CDC5L: variants seen among roughly 807,000 people sequenced by gnomAD.
The protein encoded by CDC5L is cell division cycle 5-like protein.
CDC5L carries 18 observed loss-of-function variants against 104.1 expected under a neutral mutation model. The ratio of observed to expected loss-of-function variants is 0.17; its 90% confidence interval spans 0.12 to 0.26. CDC5L has a LOEUF of 0.26. Ranked by LOEUF, CDC5L falls within the 10% of genes least tolerant of loss-of-function variation. The pLI is 1.00. For missense variants in CDC5L, 673 were observed against 956.9 expected (o/e 0.70, Z 3.91); for synonymous variants, 331 against 322.7 (o/e 1.03, Z -0.28).
intron 14 of CDC5L, among the ~76,000 whole-genome samples, chr6:44,441,281 A>ATGTCCTCTGTG (rs1793175272): frequency 6.6e-6 from 1 of 152,230 alleles, no homozygotes; most frequent in South Asian, 2.1e-4. Context: ...AGTTAGCAGA[A>ATGTCCTCTGTG]TGTCCTCTGT....
At chr6:44,421,068 C>T (rs1185981420) in intron 9 of CDC5L, among the ~76,000 whole-genome samples, 1 of 152,182 alleles carries the variant, frequency 6.6e-6, no homozygotes, top group Non-Finnish European at 1.5e-5. Flanking sequence ...CGGTCTCTCA[C>T]CCATTTAAGT....
rs778663659 is a variant in CDC5L at position 44,426,155 on chromosome 6, T to C, written c.1622T>C (p.Val541Ala). 6.2e-7 allele frequency: 1 copy of C among 1,609,204 alleles called. No homozygotes were observed. Among genetic ancestry groups the C allele is most frequent in the Non-Finnish European group, 8.5e-7 (1 of 1,177,336 alleles). ...VKEMKRMHKA[V>A]QKDLPRPSEV... ...GAAATGAAACGAATGCATAAAGCTG[T>C]CCAGAAAGATCTGCCAAGACCATCA... The change falls in exon 12 of 16, where the codon GTC becomes GCC. Residue 541 changes from valine (V) to alanine (A), a missense_variant. By Grantham distance (64) the Val-to-Ala change is moderately conservative (BLOSUM62 0). This residue lies in a region of CDC5L where 578 missense variants were observed against 737.0 expected (regional missense o/e 0.78). Transcript: ENST00000371477.
chr6:44,430,806 C>T (rs1418185452), intron 14 of CDC5L, among the ~76,000 whole-genome samples: 4 of 152,040 alleles, frequency 2.6e-5, no homozygotes, highest in Admixed American at 6.6e-5. Context: ...CTCTTGACCT[C>T]GTGATCCACC....
intron 1 of CDC5L, among the ~76,000 whole-genome samples, chr6:44,390,035 G>A (rs1790518228): frequency 6.6e-6 from 1 of 152,162 alleles, no homozygotes. Context: ...ATTGGAGAGT[G>A]TGGTGTAAGG....
In CDC5L at chr6:44,406,462, C is replaced by A; in HGVS notation, c.898C>A (p.Pro300Thr). ...GAGAAGCAAACTAGTACTTCCTGCC[C>A]CTCAGGTAATCTGATAAAAGCAAAT... is the stretch of plus-strand genomic sequence containing the variant. The part of the protein sequence containing the change: ...KKRSKLVLPA[P>T]QISDAELQEV... Residue 300 changes from proline (P) to threonine (T), a missense_variant, in exon 7 of 16, where the codon CCT becomes ACT. Physicochemically the swap from Pro to Thr is conservative, Grantham distance 38 (BLOSUM62 -1). This residue lies in a region of CDC5L where 578 missense variants were observed against 737.0 expected (regional missense o/e 0.78). Coordinates refer to ENST00000371477, the MANE Select transcript of CDC5L (RefSeq NM_001253.4). The A allele has an allele frequency of 6.2e-7, 1 of 1,604,334 alleles. No individual in the cohort carries two copies. Among genetic ancestry groups the A allele is most frequent in the Non-Finnish European group, 8.5e-7 (1 of 1,177,694 alleles).
At chr6:44,397,945 C>T (rs898392292) in intron 5 of CDC5L, among the ~76,000 whole-genome samples, 1 of 152,210 alleles carries the variant, frequency 6.6e-6, no homozygotes, top group Non-Finnish European at 1.5e-5. Flanking sequence ...AGCTTATTAG[C>T]TTCTGGGATT....
At chr6:44,418,838 G>T (rs1390705514) in intron 8 of CDC5L, among the ~76,000 whole-genome samples, 1 of 119,496 alleles carries the variant, frequency 8.4e-6, no homozygotes, top group African/African-American at 2.8e-5. Flanking sequence ...TTTTGATGTG[G>T]TTGTTTGTTT....
At chr6:44,435,050 C>T (rs1185868374) in intron 14 of CDC5L, among the ~76,000 whole-genome samples, 1 of 151,176 alleles carries the variant, frequency 6.6e-6, no homozygotes, top group Non-Finnish European at 1.5e-5. Context: ...ACATAATCAC[C>T]TTAAACATTG....
rs1793577243 is a variant in CDC5L at position 44,449,713 on chromosome 6, A to G, written c.*3002A>G. The G allele has an allele frequency of 6.6e-6, 1 of 152,210 alleles. No individual in the cohort carries two copies. The highest frequency in any genetic ancestry group is 1.5e-5 in the Non-Finnish European group (1 of 68,036). 9.4% of individuals were successfully genotyped at this position (152,210 alleles called of 1,614,324 possible). ...ATAATGCTGTCTAATAAAAAACGAC[A>G]TCAAAGAAAAACTACACTACAGTGA... On this transcript the variant is annotated 3_prime_UTR_variant, in exon 16 of 16. Coordinates refer to ENST00000371477, the MANE Select transcript of CDC5L (RefSeq NM_001253.4).
chr6:44,399,035 C>T (rs1395298680), intron 5 of CDC5L, among the ~76,000 whole-genome samples: 1 of 152,242 alleles, frequency 6.6e-6, no homozygotes, highest in Non-Finnish European at 1.5e-5. Context: ...TTCACTGCAG[C>T]CCTGCACACC....
At chr6:44,436,809 C>A (rs114722174) in intron 14 of CDC5L, among the ~76,000 whole-genome samples, 1 of 152,064 alleles carries the variant, frequency 6.6e-6, no homozygotes, top group African/African-American at 2.4e-5. Context: ...GCCTTCCTAC[C>A]GATTTGTATG....
chr6:44,420,576 T>C (rs1792122950), intron 9 of CDC5L, among the ~76,000 whole-genome samples: 1 of 152,128 alleles, frequency 6.6e-6, no homozygotes, highest in Admixed American at 6.5e-5. Flanking sequence ...CAGGCTGGTC[T>C]CGAACTCCTG....
chr6:44,402,684 A>G (rs571558878), intron 5 of CDC5L, among the ~76,000 whole-genome samples: 3 of 152,220 alleles, frequency 2.0e-5, no homozygotes, highest in South Asian at 4.1e-4. Flanking sequence ...GACTATCGTT[A>G]TTAATATTTT....
rs1197170549 is a variant in CDC5L, at chr6:44,428,919, C to T, written c.1894-794C>T. Among the ~76,000 whole-genome samples the T allele has an allele frequency of 2.0e-5, 3 of 151,992 alleles. No homozygotes were observed. In the South Asian group the frequency reaches 6.2e-4, roughly 32 times the overall value. On this transcript the variant is annotated intron_variant, in intron 13 of 15. Coordinates refer to ENST00000371477, the MANE Select transcript of CDC5L (RefSeq NM_001253.4). Reference sequence around the variant, plus strand: ...TGGTGGAGTGGGAGAGTGGAAGGGGCACACCCAGTGGTGCCATTTGTATTC... The same window carrying T: ...TGGTGGAGTGGGAGAGTGGAAGGGGTACACCCAGTGGTGCCATTTGTATTC...
chr6:44,432,143 A>G (rs750490351), intron 14 of CDC5L, among the ~76,000 whole-genome samples: 4 of 152,250 alleles, frequency 2.6e-5, no homozygotes, highest in Non-Finnish European at 4.4e-5. Context: ...TCACTAATTC[A>G]GAACTAGGTT....
intron 4 of CDC5L, 50 bp downstream of exon 4, chr6:44,393,623 TG>T (rs1790721492): frequency 1.9e-6 from 3 of 1,559,792 alleles, no homozygotes; most frequent in Non-Finnish European, 2.6e-6. Context: ...GTAAACTCCT[TG>T]GGCCTCACTC....
At chr6:44,413,775 G>A (rs1440207020) in intron 8 of CDC5L, among the ~76,000 whole-genome samples, 3 of 152,004 alleles carry the variant, frequency 2.0e-5, no homozygotes, top group Non-Finnish European at 2.9e-5. Flanking sequence ...GTAGAGATGG[G>A]GGTCTCACTG....
At chr6:44,393,979 G>T (rs1790737741) in intron 4 of CDC5L, among the ~76,000 whole-genome samples, 1 of 152,142 alleles carries the variant, frequency 6.6e-6, no homozygotes, top group South Asian at 2.1e-4. Context: ...AATTCTGTCA[G>T]CAGTGTTCTT....
intron 14 of CDC5L, among the ~76,000 whole-genome samples, chr6:44,438,551 A>T (rs1793039699): frequency 6.6e-6 from 1 of 152,088 alleles, no homozygotes; most frequent in South Asian, 2.1e-4. Context: ...GTGGTTGAAA[A>T]CCACTGGCGT....
Sources: allele counts gnomAD v4.1 joint callset (sites outside exome capture counted in the v4.1 genomes callset), GRCh38; gene constraint gnomAD v4.1.1; regional missense constraint gnomAD v4.1.1; transcripts MANE v1.5; gene names NCBI Gene and HGNC (gene_info 2026-07-23, HGNC 2026-07-21).